Variants in PPP1R9A observed in about 807,000 individuals in gnomAD.
PPP1R9A encodes the protein neurabin-1.
In PPP1R9A, 59 loss-of-function variants were observed where a neutral mutation model predicts 141.9. The ratio of observed to expected loss-of-function variants is 0.42; its 90% CI spans 0.34 to 0.52. The LOEUF (loss-of-function observed/expected upper bound fraction) is 0.52. PPP1R9A is among the 20% of genes least tolerant of loss of function. The probability of loss-of-function intolerance (pLI) is 0.10; values close to 1 mark genes in which losing one functional copy is unlikely to be tolerated. For missense variants in PPP1R9A, 1,444 were observed against 1,611.9 expected (o/e 0.90, Z 1.78); for synonymous variants, 500 against 569.7 (o/e 0.88, Z 1.74).
chr7:95,070,610 TAC>T (rs1425064497), intron 2 of PPP1R9A, among the ~76,000 whole-genome samples: 953 of 94,072 alleles, frequency 0.01, 35 homozygotes, highest in East Asian at 0.028. Flanking sequence ...TATATATATA[TAC>T]ACACACACAC....
At position 94,911,303 on chromosome 7, in the gene PPP1R9A, T is replaced by A. The variant is rs759803901; in HGVS notation, c.1190T>A (p.Met397Lys). 1.2e-6 allele frequency: 2 copies of A among 1,614,042 alleles called. No homozygotes were observed. The highest frequency in any genetic ancestry group is 1.7e-6 in the Non-Finnish European group (2 of 1,180,030). ...SNNFDGSHVY[M>K]HSDYNVYRVR... Reference sequence around the variant, plus strand: ...AATTTTGATGGTTCCCATGTGTACATGCACAGTGACTATAATGTGTATAGG... The same window carrying A: ...AATTTTGATGGTTCCCATGTGTACAAGCACAGTGACTATAATGTGTATAGG... The change falls in exon 2 of 20, where the codon ATG becomes AAG. Residue 397 changes from methionine (M) to lysine (K), a missense_variant. Met to Lys is a moderately conservative substitution (Grantham distance 95). Coordinates refer to ENST00000433360, the MANE Select transcript of PPP1R9A (RefSeq NM_001166160.2).
At chr7:95,002,039 A>T (rs1803007590) in intron 2 of PPP1R9A, among the ~76,000 whole-genome samples, 1 of 152,208 alleles carries the variant, frequency 6.6e-6, no homozygotes, top group African/African-American at 2.4e-5. Context: ...CAGCAATTAA[A>T]AAGTGGCGTC....
Position 94,955,723 on chromosome 7 carries a change from A to G in PPP1R9A, c.1395+44215A>G, listed in dbSNP as rs1338036135. Among the ~76,000 whole-genome samples, 5 of 152,148 alleles carry G rather than the reference A, an allele frequency of 3.3e-5. No individual in the cohort carries two copies. In the South Asian group the frequency reaches 8.3e-4, roughly 25 times the overall value. On this transcript the variant is annotated intron_variant, in intron 2 of 19. Coordinates refer to ENST00000433360, the MANE Select transcript of PPP1R9A (RefSeq NM_001166160.2). ...AGGAGTTCTTCATTTGCATATTTGTAGTTGTCACATTGTGATAACTTGAAT... is the reference window on the plus strand; with the variant it reads ...AGGAGTTCTTCATTTGCATATTTGTGGTTGTCACATTGTGATAACTTGAAT...
At chr7:95,200,828 A>G (rs1034228783) in intron 6 of PPP1R9A, among the ~76,000 whole-genome samples, 1 of 152,192 alleles carries the variant, frequency 6.6e-6, no homozygotes, top group Non-Finnish European at 1.5e-5. Flanking sequence ...TTAATCTTTA[A>G]TGCAGCCAGA....
intron 7 of PPP1R9A, among the ~76,000 whole-genome samples, chr7:95,219,103 G>T (rs1793995792): frequency 6.6e-6 from 1 of 152,132 alleles, no homozygotes; most frequent in Admixed American, 6.5e-5. Flanking sequence ...GCAGTGGGTG[G>T]TACTGGTTGT....
At chr7:94,961,866 G>A (rs1227149753) in intron 2 of PPP1R9A, among the ~76,000 whole-genome samples, 1 of 151,836 alleles carries the variant, frequency 6.6e-6, no homozygotes, top group Non-Finnish European at 1.5e-5. Context: ...ATGTCAGAGG[G>A]TGGTCATTTT....
At chr7:95,150,737 T>C (rs1409731961) in intron 4 of PPP1R9A, among the ~76,000 whole-genome samples, 1 of 151,552 alleles carries the variant, frequency 6.6e-6, no homozygotes, top group Non-Finnish European at 1.5e-5. Context: ...AGCTATAGAC[T>C]AGGACAAATA....
At chr7:95,075,836 CA>C (rs1217055588) in intron 2 of PPP1R9A, among the ~76,000 whole-genome samples, 1 of 149,002 alleles carries the variant, frequency 6.7e-6, no homozygotes, top group African/African-American at 2.5e-5. Context: ...GACTCCATCT[CA>C]AAAAAAAATG....
intron 2 of PPP1R9A, among the ~76,000 whole-genome samples, chr7:95,053,590 A>C (rs1281514774): frequency 6.6e-5 from 10 of 152,212 alleles, no homozygotes; most frequent in African/African-American, 2.4e-4. Context: ...TTGAACTATG[A>C]TGGGAGAGGG....
At chr7:95,277,367 C>A (rs1211944716) in intron 16 of PPP1R9A, among the ~76,000 whole-genome samples, 1 of 152,160 alleles carries the variant, frequency 6.6e-6, no homozygotes, top group Non-Finnish European at 1.5e-5. Flanking sequence ...ATAAACCCAA[C>A]AAAGAAATAT....
At chr7:95,037,196 T>C (rs2151867638) in intron 2 of PPP1R9A, 1 of 152,306 alleles carries the variant, frequency 6.6e-6, no homozygotes, top group South Asian at 2.1e-4. Flanking sequence ...GAGCATATAG[T>C]GGTCCATTAT....
At chr7:95,141,915 A>C (rs1826767721) in intron 4 of PPP1R9A, among the ~76,000 whole-genome samples, 1 of 152,056 alleles carries the variant, frequency 6.6e-6, no homozygotes, top group Non-Finnish European at 1.5e-5. Flanking sequence ...TGGGTCATAT[A>C]ATAACTATGT....
At chr7:95,140,604 T>C (rs1190335976) in intron 4 of PPP1R9A, among the ~76,000 whole-genome samples, 1 of 152,230 alleles carries the variant, frequency 6.6e-6, no homozygotes, top group Non-Finnish European at 1.5e-5. Context: ...TTGGCCAGGC[T>C]GGTCTTGAAT....
intron 2 of PPP1R9A, among the ~76,000 whole-genome samples, chr7:94,932,964 T>G (rs1350323632): frequency 6.6e-6 from 1 of 152,032 alleles, no homozygotes; most frequent in African/African-American, 2.4e-5. Context: ...AGGAATGAAT[T>G]AACTTTGTCT....
intron 3 of PPP1R9A, among the ~76,000 whole-genome samples, chr7:95,116,463 G>T (rs1821537882): frequency 6.6e-6 from 1 of 151,568 alleles, no homozygotes; most frequent in Admixed American, 6.6e-5. Context: ...AATGAAAATG[G>T]GAAAAATATT....
chr7:95,290,905 C>A lies in PPP1R9A; in HGVS notation c.*602C>A, dbSNP rs1158058560. ...TAAGGGAAAAGGCAAGCAAGTCATT[C>A]TGCTTGCTAGGCATCAAAAAGAAAG... On this transcript the variant is annotated 3_prime_UTR_variant, in exon 20 of 20. Transcript: ENST00000433360. 2 of 152,336 alleles carry A rather than the reference C, an allele frequency of 1.3e-5. No homozygotes were observed. Among genetic ancestry groups the A allele is most frequent in the African/African-American group, 4.8e-5 (2 of 41,430 alleles). 9.4% of individuals were successfully genotyped at this position (152,336 alleles called of 1,614,324 possible). A position where few individuals can be genotyped will look rare whatever the true frequency, so the allele number is the denominator to read the frequency against.
intron 2 of PPP1R9A, chr7:95,018,458 C>T (rs1805423181): frequency 6.5e-6 from 1 of 154,020 alleles, no homozygotes; most frequent in Admixed American, 6.5e-5. Context: ...GGTGACAACA[C>T]AATCTTTGGG....
chr7:94,981,308 C>T (rs916351519), intron 2 of PPP1R9A, among the ~76,000 whole-genome samples: 2 of 152,142 alleles, frequency 1.3e-5, no homozygotes, highest in Non-Finnish European at 2.9e-5. Flanking sequence ...ATCTCGATCT[C>T]GGCTCACTGC....
At chr7:95,181,410 A>AG (rs1491314891) in intron 5 of PPP1R9A, among the ~76,000 whole-genome samples, 2 of 137,206 alleles carry the variant, frequency 1.5e-5, no homozygotes, top group African/African-American at 5.4e-5. Context: ...ATATTCCATC[A>AG]TATATATAGA....
Sources: gnomAD v4.1 joint callset for allele counts (sites outside exome capture counted in the v4.1 genomes callset) on GRCh38, gnomAD v4.1.1 for gene constraint, MANE v1.5 for transcripts, NCBI Gene and HGNC (gene_info 2026-07-23, HGNC 2026-07-21) for gene names.